NRXN2: variants seen among roughly 807,000 people sequenced by gnomAD.
The protein encoded by NRXN2 is neurexin-2-beta.
In NRXN2, 29 loss-of-function variants were observed where a neutral mutation model predicts 128.8. That is an observed-to-expected ratio of 0.23 (90% CI 0.17 to 0.31). The LOEUF (loss-of-function observed/expected upper bound fraction) is 0.31, where lower values mean the gene tolerates loss of function less well. Among genes scored for constraint, NRXN2 ranks in the 10% least tolerant of loss-of-function variants. The probability of loss-of-function intolerance (pLI) is 1.00; values close to 1 mark genes in which losing one functional copy is unlikely to be tolerated. For synonymous variants in NRXN2, 1,098 were observed against 1,075.2 expected (o/e 1.02, Z -0.41); for missense variants, 1,881 against 2,452.6 (o/e 0.77, Z 4.92).
Position 64,660,569 on chromosome 11 carries a change from A to G in NRXN2, c.2186-34T>C. 1.9e-6 allele frequency: 3 copies of G among 1,609,318 alleles called. No individual in the cohort carries two copies. Among genetic ancestry groups the G allele is most frequent in the African/African-American group, 2.7e-5 (2 of 74,932 alleles). ...AGGAGTTGGGGAAGAGGGAAGGAGAAGACAGGCAGAGGCCAGGGGAGGGAG... is the reference window on the plus strand; with the variant it reads ...AGGAGTTGGGGAAGAGGGAAGGAGAGGACAGGCAGAGGCCAGGGGAGGGAG... On this transcript the variant is annotated intron_variant, in intron 10 of 22. Coordinates refer to ENST00000265459, the MANE Select transcript of NRXN2 (RefSeq NM_015080.4). This position sits in a 1 kb window ranked among gnomAD's most constrained non-coding sequence, Gnocchi z 5.2.
chr11:64,707,478 C>A, intron 2 of NRXN2, among the ~76,000 whole-genome samples: 1 of 152,154 alleles, frequency 6.6e-6, no homozygotes, highest in Admixed American at 6.5e-5. Context: ...AAACCCAGAC[C>A]AGAGCCACAG....
In NRXN2 at chr11:64,630,413, C is replaced by G; in HGVS notation, c.3746G>C (p.Arg1249Pro). 1 of 1,611,936 alleles carries G rather than the reference C, an allele frequency of 6.2e-7. No individual in the cohort carries two copies. The highest frequency in any genetic ancestry group is 8.5e-7 in the Non-Finnish European group (1 of 1,179,480). Residue 1249 changes from arginine (R) to proline (P), a missense_variant, in exon 19 of 23, where the codon CGG becomes CCG. Arg to Pro is a moderately radical substitution (Grantham distance 103, BLOSUM62 -2). Coordinates refer to ENST00000265459, the MANE Select transcript of NRXN2 (RefSeq NM_015080.4). The surrounding 1 kb of genome is among the most constrained non-coding windows in gnomAD (Gnocchi z 4.6). ...CCCGCGCCGCCTACCTGCCGGGTAC[C>G]GCTCGTTGACCGGCCAGCTGTCCAC... Reference protein sequence around the residue: ...LQVDSWPVNERYPAGNFDNER... With the variant: ...LQVDSWPVNEPYPAGNFDNER...
chr11:64,721,789 G>T (rs375489199), intron 1 of NRXN2, among the ~76,000 whole-genome samples: 1 of 151,956 alleles, frequency 6.6e-6, no homozygotes, highest in Non-Finnish European at 1.5e-5. Context: ...ACGCCCACCC[G>T]CCAACACATG....
rs778338151 is a variant in NRXN2, at chr11:64,651,447, C to T, written c.2726G>A (p.Arg909His). ...GGCCACGATGGCACGCAGGCCAAAG[C>T]GAGCATTGAGCTCACAGTAGGTGAT... ...GDITYCELNA[R>H]FGLRAIVADP... Residue 909 changes from arginine (R) to histidine (H), a missense_variant, in exon 14 of 23, where the codon CGC (arginine) becomes CAC (histidine). Physicochemically the swap from Arg to His is conservative, Grantham distance 29. This residue lies in a region of NRXN2 where 390 missense variants were observed against 599.6 expected (regional missense o/e 0.65). Coordinates refer to ENST00000265459, the MANE Select transcript of NRXN2 (RefSeq NM_015080.4). The surrounding 1 kb of genome is among the most constrained non-coding windows in gnomAD (Gnocchi z 5.9). The T allele has an allele frequency of 6.2e-6, 10 of 1,614,068 alleles. No individual in the cohort carries two copies. Among genetic ancestry groups the T allele is most frequent in the Non-Finnish European group, 8.5e-6 (10 of 1,180,026 alleles).
intron 2 of NRXN2, among the ~76,000 whole-genome samples, chr11:64,710,594 C>G (rs1256515914): frequency 6.6e-6 from 1 of 152,184 alleles, no homozygotes; most frequent in Non-Finnish European, 1.5e-5. Flanking sequence ...GTAGCTCGAG[C>G]TTTCCCTCCA....
intron 2 of NRXN2, among the ~76,000 whole-genome samples, chr11:64,712,395 A>G (rs1210332327): frequency 7.3e-6 from 1 of 137,376 alleles, no homozygotes; most frequent in Non-Finnish European, 1.6e-5. Context: ...CTGGCCTTCC[A>G]CACAGGCCCC....
At chr11:64,647,396 T>C (rs2046855020) in intron 17 of NRXN2, among the ~76,000 whole-genome samples, 3 of 152,020 alleles carry the variant, frequency 2.0e-5, no homozygotes, top group Non-Finnish European at 2.9e-5. Context: ...ATGCCAAAGC[T>C]ACCCCACAGA....
chr11:64,649,065 ACCC>A (rs1005695196), intron 15 of NRXN2, among the ~76,000 whole-genome samples, 158 bp from the exon 16 acceptor site: 1 of 149,890 alleles, frequency 6.7e-6, no homozygotes, highest in African/African-American at 2.5e-5. Context: ...CACAACCCGC[ACCC>A]CCCCAACACA....
rs1242940059 is a variant in NRXN2 at position 64,723,134 on chromosome 11, C to A, written c.-408G>T. 1 of 146,204 alleles carries A rather than the reference C, an allele frequency of 6.8e-6. No individual in the cohort carries two copies. Among genetic ancestry groups the A allele is most frequent in the Non-Finnish European group, 1.5e-5 (1 of 65,646 alleles). 9.1% of individuals were successfully genotyped at this position (146,204 alleles called of 1,614,324 possible). On this transcript the variant is annotated 5_prime_UTR_variant, in exon 1 of 23. Coordinates refer to ENST00000265459, the MANE Select transcript of NRXN2 (RefSeq NM_015080.4). ...CCGCCCGCCCCGCCGCGGTGCCTCT[C>A]CGAGGAGGATGCTCCGCGAGTCAGG...
chr11:64,618,518 A>T (rs2041865289), intron 22 of NRXN2, among the ~76,000 whole-genome samples: 1 of 152,166 alleles, frequency 6.6e-6, no homozygotes, highest in Non-Finnish European at 1.5e-5. Flanking sequence ...CATCACAGCC[A>T]CTTCCAGCAG....
chr11:64,660,538 G>A lies in NRXN2; in HGVS notation c.2186-3C>T. 6.2e-7 allele frequency: 1 copy of A among 1,613,932 alleles called. No homozygotes were observed. The highest frequency in any genetic ancestry group is 1.1e-5 in the South Asian group (1 of 91,078). On this transcript the variant is annotated splice_region_variant and splice_polypyrimidine_tract_variant and intron_variant, in intron 10 of 22. Transcript: ENST00000265459. The surrounding 1 kb of genome is among the most constrained non-coding windows in gnomAD (Gnocchi z 5.2). ...ATCGTAGCTCAGGACCGTGGCCTCT[G>A]CCCACAGGAGTTGGGGAAGAGGGAA...
At chr11:64,707,079 T>C (rs2056412637) in intron 2 of NRXN2, among the ~76,000 whole-genome samples, 1 of 151,676 alleles carries the variant, frequency 6.6e-6, no homozygotes, top group African/African-American at 2.4e-5. Context: ...CACCATTTTA[T>C]ACATAAAGAA....
At chr11:64,695,168 C>T (rs2054331045) in intron 3 of NRXN2, among the ~76,000 whole-genome samples, 1 of 152,112 alleles carries the variant, frequency 6.6e-6, no homozygotes. Context: ...TCTCTGCTCC[C>T]TCCTCCTGGC....
chr11:64,642,746 C>T (rs759339162), intron 17 of NRXN2: 1 of 1,314,432 alleles, frequency 7.6e-7, no homozygotes, highest in South Asian at 2.2e-5. Flanking sequence ...GGCAGGGGCC[C>T]AGCCAGGGCC....
chr11:64,715,170 C>G (rs2057259979), intron 1 of NRXN2, among the ~76,000 whole-genome samples: 1 of 152,152 alleles, frequency 6.6e-6, no homozygotes, highest in African/African-American at 2.4e-5. Context: ...ATTCCAAATC[C>G]AAACAGCATT....
At position 64,631,543 on chromosome 11, in the gene NRXN2, A is replaced by G. The variant is rs1303729847; in HGVS notation, c.3586-970T>C. Among the ~76,000 whole-genome samples the G allele has an allele frequency of 4.6e-5, 7 of 152,144 alleles. No individual in the cohort carries two copies. Among genetic ancestry groups the G allele is most frequent in the Non-Finnish European group, 1.0e-4 (7 of 68,032 alleles). On this transcript the variant is annotated intron_variant, in intron 18 of 22. Coordinates refer to ENST00000265459, the MANE Select transcript of NRXN2 (RefSeq NM_015080.4). This position sits in a 1 kb window ranked among gnomAD's most constrained non-coding sequence, Gnocchi z 4.8. ...TGTACACGCATGCTCTCTTCCCTACACCAACCCGCTGAAGAAGCTCATAGC... is the reference window on the plus strand; with the variant it reads ...TGTACACGCATGCTCTCTTCCCTACGCCAACCCGCTGAAGAAGCTCATAGC...
intron 9 of NRXN2, among the ~76,000 whole-genome samples, chr11:64,664,818 C>T (rs1413528750): frequency 2.0e-5 from 3 of 151,466 alleles, no homozygotes; most frequent in Non-Finnish European, 4.4e-5. Context: ...AGTGAAACCC[C>T]GTCTCCACTA....
chr11:64,627,033 G>GCA (rs1371671579), intron 19 of NRXN2, among the ~76,000 whole-genome samples: 5 of 152,126 alleles, frequency 3.3e-5, no homozygotes, highest in Admixed American at 3.3e-4. Flanking sequence ...GGTTTATGCG[G>GCA]CATTTAGGGG....
intron 6 of NRXN2, among the ~76,000 whole-genome samples, chr11:64,678,870 A>C (rs982187842): frequency 6.6e-6 from 1 of 152,182 alleles, no homozygotes; most frequent in Non-Finnish European, 1.5e-5. Flanking sequence ...TGGGCACAGG[A>C]CTAATTCAGT....
Sources: gnomAD v4.1 joint callset for allele counts (sites outside exome capture counted in the v4.1 genomes callset) on GRCh38, gnomAD v4.1.1 for gene constraint, gnomAD v4.1.1 regional missense constraint, Gnocchi (gnomAD v3.1) non-coding constraint, MANE v1.5 for transcripts, NCBI Gene and HGNC (gene_info 2026-07-23, HGNC 2026-07-21) for gene names.